MYO3B: variants seen among roughly 807,000 people sequenced by gnomAD.
MYO3B encodes the protein myosin IIIB.
MYO3B carries 156 observed loss-of-function variants against 174.6 expected under a neutral mutation model. The observed-to-expected ratio is 0.89, with a 90% CI of 0.78 to 1.02. The LOEUF (loss-of-function observed/expected upper bound fraction) is 1.02, where lower values mean the gene tolerates loss of function less well. Ranked by LOEUF, MYO3B falls within the 50% of genes least tolerant of loss-of-function variation. The pLI is 0.00. For missense variants in MYO3B, 1,632 were observed against 1,639.4 expected (o/e 1.00, Z 0.08); for synonymous variants, 563 against 569.1 (o/e 0.99, Z 0.15).
intron 30 of MYO3B, among the ~76,000 whole-genome samples, chr2:170,536,884 C>T (rs1192776708): frequency 6.6e-6 from 1 of 151,902 alleles, no homozygotes; most frequent in East Asian, 1.9e-4. Flanking sequence ...CCTCAAGATT[C>T]TTGGGGCCCC....
intron 25 of MYO3B, among the ~76,000 whole-genome samples, chr2:170,486,045 A>G (rs944279911): frequency 6.6e-6 from 1 of 152,046 alleles, no homozygotes; most frequent in Non-Finnish European, 1.5e-5. Context: ...TTGCATTTCT[A>G]ATAAGTTTCC....
chr2:170,209,596 T>C (rs1416094876), intron 3 of MYO3B, among the ~76,000 whole-genome samples: 1 of 152,228 alleles, frequency 6.6e-6, no homozygotes, highest in African/African-American at 2.4e-5. Context: ...TGTCAGAGTC[T>C]GGTTTATTAT....
intron 25 of MYO3B, among the ~76,000 whole-genome samples, chr2:170,494,117 CAT>C (rs1382625561): frequency 2.0e-5 from 3 of 152,196 alleles, no homozygotes; most frequent in Non-Finnish European, 2.9e-5. Context: ...ATAAAACAAA[CAT>C]ATCCTGGAAT....
At chr2:170,304,940 T>G (rs1221973081) in intron 7 of MYO3B, among the ~76,000 whole-genome samples, 1 of 152,098 alleles carries the variant, frequency 6.6e-6, no homozygotes, top group Non-Finnish European at 1.5e-5. Flanking sequence ...TTTAATACAT[T>G]TAAATCTGTC....
At chr2:170,586,707 C>T (rs1003851579) in intron 32 of MYO3B, among the ~76,000 whole-genome samples, 3 of 152,148 alleles carry the variant, frequency 2.0e-5, no homozygotes, top group Non-Finnish European at 4.4e-5. Flanking sequence ...TAGAAGTTTT[C>T]GTTTTAGTGG....
At chr2:170,431,788 C>G (rs961678116) in intron 22 of MYO3B, among the ~76,000 whole-genome samples, 1 of 152,182 alleles carries the variant, frequency 6.6e-6, no homozygotes, top group Non-Finnish European at 1.5e-5. Flanking sequence ...AGTCTGGTCT[C>G]TTACTTACTC....
In MYO3B at chr2:170,589,155, A is replaced by G. The variant is rs192946514; in HGVS notation, c.3733+45167A>G. 5.7e-4 allele frequency among the ~76,000 whole-genome samples: 87 copies of G among 152,346 alleles called. 1 individual carries two copies. Among genetic ancestry groups the G allele is most frequent in the African/African-American group, 2.0e-3 (83 of 41,584 alleles). On this transcript the variant is annotated intron_variant, in intron 32 of 34. Transcript: ENST00000408978. ...TCCCCAAGAAAATTCAGGGTTTAGC[A>G]GAAGTTTTGCAGACCTCAAGAAGCT...
chr2:170,395,924 C>T (rs1328155108), intron 16 of MYO3B, among the ~76,000 whole-genome samples: 1 of 152,130 alleles, frequency 6.6e-6, no homozygotes, highest in African/African-American at 2.4e-5. Flanking sequence ...CAATTAGCCT[C>T]AACTCTATCA....
At chr2:170,561,338 A>G (rs564900749) in intron 32 of MYO3B, among the ~76,000 whole-genome samples, 16 of 152,354 alleles carry the variant, frequency 1.1e-4, no homozygotes, top group Admixed American at 9.8e-4. Flanking sequence ...TATACTGCAT[A>G]AAGGTTTTAC....
At chr2:170,335,939 C>G (rs373342952) in intron 8 of MYO3B, among the ~76,000 whole-genome samples, 14 of 152,136 alleles carry the variant, frequency 9.2e-5, no homozygotes, top group Admixed American at 8.5e-4. Flanking sequence ...GTAAGGTATC[C>G]CAGCCAAGGC....
chr2:170,610,833 T>C (rs541934860), intron 32 of MYO3B, among the ~76,000 whole-genome samples: 1 of 152,236 alleles, frequency 6.6e-6, no homozygotes, highest in Non-Finnish European at 1.5e-5. Flanking sequence ...TTGTTTATTT[T>C]GATGTGAGAT....
intron 22 of MYO3B, among the ~76,000 whole-genome samples, chr2:170,436,335 T>G (rs2094753634): frequency 6.6e-6 from 1 of 152,116 alleles, no homozygotes; most frequent in African/African-American, 2.4e-5. Context: ...AATGGAAACT[T>G]TGGTTATGTT....
intron 28 of MYO3B, among the ~76,000 whole-genome samples, chr2:170,505,299 C>G (rs544220185): frequency 3.9e-5 from 6 of 152,248 alleles, no homozygotes; most frequent in African/African-American, 1.4e-4. Flanking sequence ...TGCATATCAC[C>G]TTGGCAAGAA....
intron 8 of MYO3B, among the ~76,000 whole-genome samples, chr2:170,367,333 A>G (rs780314048): frequency 1.6e-4 from 25 of 152,228 alleles, no homozygotes; most frequent in Admixed American, 6.5e-4. Flanking sequence ...ATGTTTGGGA[A>G]ATACTTCAAT....
chr2:170,263,286 G>T (rs1478818810), intron 7 of MYO3B, among the ~76,000 whole-genome samples: 1 of 152,146 alleles, frequency 6.6e-6, no homozygotes, highest in East Asian at 1.9e-4. Flanking sequence ...GGGTTGGAAG[G>T]TCTTAGAAGT....
intron 32 of MYO3B, among the ~76,000 whole-genome samples, chr2:170,626,697 T>C (rs979343542): frequency 2.0e-5 from 3 of 152,230 alleles, no homozygotes; most frequent in African/African-American, 7.2e-5. Context: ...AGTTGTTCCT[T>C]TCCATGTTTA....
intron 22 of MYO3B, among the ~76,000 whole-genome samples, chr2:170,416,208 C>A (rs759787813): frequency 2.0e-5 from 3 of 152,280 alleles, no homozygotes; most frequent in Non-Finnish European, 4.4e-5. Context: ...CTGCCTCATA[C>A]AGCCCAACAG....
At position 170,590,002 on chromosome 2, in the gene MYO3B, G is replaced by A. The variant is rs115536189; in HGVS notation, c.3733+46014G>A. 3.9e-3 allele frequency among the ~76,000 whole-genome samples: 599 copies of A among 152,284 alleles called. 6 individuals carry two copies. The highest frequency in any genetic ancestry group is 0.014 in the African/African-American group (578 of 41,550). On this transcript the variant is annotated intron_variant, in intron 32 of 34. Transcript: ENST00000408978. Reference sequence around the variant, plus strand: ...TTGCCTATTGTAATATGATGTACAGGTTTGTAGCCTAGGAGCAAAGGCTGT... The same window carrying A: ...TTGCCTATTGTAATATGATGTACAGATTTGTAGCCTAGGAGCAAAGGCTGT...
At chr2:170,456,988 T>C (rs994862588) in intron 23 of MYO3B, among the ~76,000 whole-genome samples, 3 of 152,270 alleles carry the variant, frequency 2.0e-5, no homozygotes, top group Non-Finnish European at 4.4e-5. Context: ...TATAGCATGT[T>C]ACTGTACTGA....
Sources: allele counts gnomAD v4.1 joint callset (sites outside exome capture counted in the v4.1 genomes callset), GRCh38; gene constraint gnomAD v4.1.1; transcripts MANE v1.5; gene names NCBI Gene and HGNC (gene_info 2026-07-23, HGNC 2026-07-21).